The following LRP2 variants were observed in gnomAD, a reference collection of about 807,000 sequenced individuals.
LRP2 encodes LDL receptor related protein 2, also known as low-density lipoprotein receptor-related protein 2.
In LRP2, 172 loss-of-function variants were observed where a neutral mutation model predicts 531.0. The observed-to-expected ratio is 0.32, with a 90% CI of 0.29 to 0.37. The LOEUF (loss-of-function observed/expected upper bound fraction) is 0.37. Among genes scored for constraint, LRP2 ranks in the 10% least tolerant of loss-of-function variants. The pLI is 1.00. For missense variants in LRP2, 5,167 were observed against 5,868.3 expected, an observed-to-expected ratio of 0.88 and a Z score of 3.90; for synonymous variants, 1,992 against 2,027.6, an observed-to-expected ratio of 0.98 and a Z score of 0.47.
At chr2:169,162,830 C>G (rs187979738) in intron 62 of LRP2, among the ~76,000 whole-genome samples, 1 of 152,320 alleles carries the variant, frequency 6.6e-6, no homozygotes, top group East Asian at 1.9e-4. Context: ...ACACGTGCCT[C>G]CTCCGTGTCT....
intron 16 of LRP2, among the ~76,000 whole-genome samples, chr2:169,268,300 A>G (rs969716995): frequency 5.9e-5 from 9 of 152,118 alleles, no homozygotes; most frequent in Non-Finnish European, 1.2e-4. Context: ...CAGAGACACA[A>G]CAAAAAAAGA....
intron 49 of LRP2, among the ~76,000 whole-genome samples, chr2:169,187,152 G>C (rs944967268): frequency 6.6e-6 from 1 of 151,888 alleles, no homozygotes; most frequent in Non-Finnish European, 1.5e-5. Flanking sequence ...CACGTGCCAT[G>C]GTGGTTTGCT....
At chr2:169,274,303 G>A (rs1683496086) in intron 14 of LRP2, among the ~76,000 whole-genome samples, 3 of 152,126 alleles carry the variant, frequency 2.0e-5, no homozygotes, top group East Asian at 3.9e-4. Context: ...CTTATGATAG[G>A]CCAGGTGCAG....
At position 169,280,342 on chromosome 2, in the gene LRP2, C is replaced by A. The variant is rs758014496; in HGVS notation, c.1341+8G>T. The stretch of plus-strand genomic sequence containing the variant: ...GGGTTCCATTCAGCTACTGAAATTT[C>A]TATTTACCTTATTTTGCACGGTGTC... On this transcript the variant is annotated splice_region_variant and intron_variant, in intron 11 of 78. Transcript: ENST00000649046. 1.2e-6 allele frequency: 2 copies of A among 1,614,132 alleles called. No homozygotes were observed. Among genetic ancestry groups the A allele is most frequent in the Admixed American group, 3.3e-5 (2 of 60,018 alleles).
At chr2:169,294,937 G>T (rs540364076) in intron 4 of LRP2, among the ~76,000 whole-genome samples, 19 of 152,138 alleles carry the variant, frequency 1.2e-4, no homozygotes, top group African/African-American at 4.6e-4. Flanking sequence ...ACTGGGATAA[G>T]TGCTAATGTG....
At chr2:169,245,669 A>T (rs933882748) in intron 21 of LRP2, among the ~76,000 whole-genome samples, 16 of 152,264 alleles carry the variant, frequency 1.1e-4, no homozygotes, top group African/African-American at 3.6e-4. Context: ...AACTATATAG[A>T]CTAGATTACC....
intron 37 of LRP2, among the ~76,000 whole-genome samples, chr2:169,211,254 T>A (rs1403932713): frequency 6.6e-6 from 1 of 152,190 alleles, no homozygotes; most frequent in African/African-American, 2.4e-5. Flanking sequence ...TTTTCCTTCC[T>A]TTCTACCCTC....
intron 68 of LRP2, among the ~76,000 whole-genome samples, chr2:169,149,746 G>A (rs1686054766): frequency 6.6e-6 from 1 of 151,742 alleles, no homozygotes; most frequent in Non-Finnish European, 1.5e-5. Context: ...TGAGGCAGGA[G>A]AATCACTTGA....
rs60360271 is a variant in LRP2, at chr2:169,308,794, C to A, written c.311-1397G>T. ...CTAGTTCTAGATCCTTGAGGAATCG[C>A]CACACTGTCTTCCACAATGGTTGAA... On this transcript the variant is annotated intron_variant, in intron 3 of 78. Coordinates refer to ENST00000649046, the MANE Select transcript of LRP2 (RefSeq NM_004525.3). 5.9e-5 allele frequency among the ~76,000 whole-genome samples: 9 copies of A among 152,302 alleles called. No homozygotes were observed. The East Asian group carries it at 1.4e-3, about 23-fold the overall frequency.
chr2:169,358,209 C>T (rs1436858088), intron 1 of LRP2, among the ~76,000 whole-genome samples: 2 of 152,182 alleles, frequency 1.3e-5, no homozygotes, highest in African/African-American at 2.4e-5. Flanking sequence ...ATTCAGAAGG[C>T]ATGAATCTAA....
chr2:169,152,698 C>G, intron 67 of LRP2, 101 bp downstream of exon 67: 1 of 1,356,266 alleles, frequency 7.4e-7, no homozygotes, highest in Non-Finnish European at 1.1e-6. Context: ...GCTGAGTGTA[C>G]TCATATCCAG....
rs185856089 is a variant in LRP2 at position 169,157,249 on chromosome 2, T to C, written c.12019+122A>G. 6.5e-6 allele frequency: 7 copies of C among 1,078,536 alleles called. No individual in the cohort carries two copies. In the African/African-American group the frequency reaches 9.5e-5, roughly 15 times the overall value. 66.8% of individuals were successfully genotyped at this position (1,078,536 alleles called of 1,614,324 possible). ...TGAGTAGTTTAATGACCTAGAACCA[T>C]GAAACCATGAGTATGGTACCATTAA... On this transcript the variant is annotated intron_variant, in intron 64 of 78. Transcript: ENST00000649046.
At chr2:169,201,538 T>G (rs1240949895) in intron 44 of LRP2, 90 bp downstream of exon 44, 6 of 1,563,358 alleles carry the variant, frequency 3.8e-6, no homozygotes, top group Non-Finnish European at 5.2e-6. Flanking sequence ...TTTTTATTTT[T>G]GGAAAGCCTT....
intron 71 of LRP2, among the ~76,000 whole-genome samples, chr2:169,141,694 A>T (rs1405090900): frequency 6.6e-6 from 1 of 152,234 alleles, no homozygotes. Flanking sequence ...CCACGATGTG[A>T]AATTGCAGTA....
intron 31 of LRP2, among the ~76,000 whole-genome samples, chr2:169,227,477 G>T (rs1331498345): frequency 6.6e-6 from 1 of 152,142 alleles, no homozygotes. Context: ...TCCCCATCAA[G>T]AGTGGGGTTT....
At chr2:169,241,415 C>A in intron 24 of LRP2, 50 bp from the exon 25 acceptor site, 1 of 1,603,316 alleles carries the variant, frequency 6.2e-7, no homozygotes, top group Non-Finnish European at 8.5e-7. Flanking sequence ...ATTTGTGATC[C>A]CTTTTATAGT....
chr2:169,210,750 G>A (rs1688563201), intron 37 of LRP2, among the ~76,000 whole-genome samples: 1 of 152,134 alleles, frequency 6.6e-6, no homozygotes, highest in Admixed American at 6.5e-5. Flanking sequence ...ATATTGTGAG[G>A]CCAACTGGAG....
At position 169,299,135 on chromosome 2, in the gene LRP2, GAAAGAAAGAAAGAAAGAAAGAAAA is replaced by G. The variant is rs869134132; in HGVS notation, c.428-4449_428-4426del. Among the ~76,000 whole-genome samples, 31 of 64,314 alleles carry G rather than the reference GAAAGAAAGAAAGAAAGAAAGAAAA, an allele frequency of 4.8e-4. 2 individuals carry two copies. Among genetic ancestry groups the G allele is most frequent in the African/African-American group, 1.1e-3 (20 of 17,768 alleles). The allele number at this position is 64,314 out of a possible 152,430, so 42.2% of individuals were successfully genotyped here. On this transcript the variant is annotated intron_variant, in intron 4 of 78. Transcript: ENST00000649046. ...AGAAAGAAAGAAAGAAAGAAAGAAA[GAAAGAAAGAAAGAAAGAAAGAAAA>G]AAAGAAAGAAAGAAAAAGAAAGAAA...
At chr2:169,144,561 T>C (rs930656851) in intron 70 of LRP2, among the ~76,000 whole-genome samples, 8 of 152,170 alleles carry the variant, frequency 5.3e-5, no homozygotes, top group Admixed American at 2.6e-4. Context: ...TGCCTTCCTC[T>C]CCTACCTTTA....
Sources: gnomAD v4.1 joint callset for allele counts (sites outside exome capture counted in the v4.1 genomes callset) on GRCh38, gnomAD v4.1.1 for gene constraint, MANE v1.5 for transcripts, NCBI Gene and HGNC (gene_info 2026-07-23, HGNC 2026-07-21) for gene names.